Variants in SYNE2 observed in about 807,000 individuals in gnomAD.
The protein encoded by SYNE2 is spectrin repeat containing nuclear envelope protein 2.
In SYNE2, 431 loss-of-function variants were observed where a neutral mutation model predicts 856.3. The ratio of observed to expected loss-of-function variants is 0.50; its 90% confidence interval spans 0.47 to 0.55. The LOEUF is 0.55. Ranked by LOEUF, SYNE2 falls within the 20% of genes least tolerant of loss-of-function variation. The probability of loss-of-function intolerance (pLI) is 0.00; values close to 1 mark genes in which losing one functional copy is unlikely to be tolerated. For missense variants in SYNE2, 8,129 were observed against 8,023.2 expected (o/e 1.01, Z -0.50); for synonymous variants, 2,923 against 2,872.3 (o/e 1.02, Z -0.56).
At position 64,177,373 on chromosome 14, in the gene SYNE2, G is replaced by A. The variant is rs267604019; in HGVS notation, c.17446G>A (p.Glu5816Lys). 6.2e-7 allele frequency: 1 copy of A among 1,614,164 alleles called. No homozygotes were observed. Among genetic ancestry groups the A allele is most frequent in the South Asian group, 1.1e-5 (1 of 91,080 alleles). Residue 5816 changes from glutamate to lysine, a missense_variant, in exon 96 of 116, where the codon GAA becomes AAA. Physicochemically the swap from Glu to Lys is moderately conservative, Grantham distance 56. This residue lies in a region of SYNE2 where 5,410 missense variants were observed against 5,284.8 expected (regional missense o/e 1.02). Transcript: ENST00000555002. ...TTTCAAATAGACCTGGGACCAGTGT[G>A]AAAAGAAAATCAAGGAGTTGAAAAG... ...QSTVETWDQC[E>K]KKIKELKSRL...
intron 1 of SYNE2, among the ~76,000 whole-genome samples, chr14:63,823,639 G>A (rs953930614): frequency 1.1e-4 from 11 of 99,584 alleles, no homozygotes; most frequent in African/African-American, 2.6e-4. Flanking sequence ...TTTTTTTTTT[G>A]TCTGAGACAG....
chr14:63,849,346 A>G (rs1890331504), upstream of SYNE2, among the ~76,000 whole-genome samples: 1 of 151,260 alleles, frequency 6.6e-6, no homozygotes, highest in Admixed American at 6.6e-5. Context: ...CCTCAGATTA[A>G]TGAATATTAT....
rs752492561 is a variant in SYNE2, at chr14:64,052,467, G to C, written c.8554G>C (p.Glu2852Gln). The change falls in exon 48 of 116, where the codon GAA (glutamate) becomes CAA (glutamine). Residue 2852 changes from glutamate to glutamine, a missense_variant. Physicochemically the swap from Glu to Gln is conservative, Grantham distance 29. Around this residue, in one of 3 missense-constraint regions of SYNE2, gnomAD observed 5,410 missense variants for 5,284.8 expected, o/e 1.02. Transcript: ENST00000555002. Reference protein sequence around the residue: ...IIRKFQLMVQESETLIIPRVE... With the variant: ...IIRKFQLMVQQSETLIIPRVE... ...AAGGAAGTTTCAACTTATGGTTCAA[G>C]AAAGTGAAACACTGATAATTCCCAG... The C allele has an allele frequency of 6.2e-7, 1 of 1,613,356 alleles. No individual in the cohort carries two copies. Among genetic ancestry groups the C allele is most frequent in the Non-Finnish European group, 8.5e-7 (1 of 1,179,630 alleles).
intron 1 of SYNE2, among the ~76,000 whole-genome samples, chr14:63,810,100 C>T (rs1321441601): frequency 1.3e-5 from 2 of 151,978 alleles, no homozygotes; most frequent in Non-Finnish European, 2.9e-5. Flanking sequence ...TGGTACATGC[C>T]TTTAGTTCTA....
chr14:63,976,604 A>G lies in SYNE2; in HGVS notation c.1170A>G (p.Pro390=). The change falls in exon 12 of 116, where the codon CCA becomes CCG. Residue 390 remains proline, a synonymous_variant. Transcript: ENST00000555002. Reference sequence around the variant, plus strand: ...TAAAGCTAAATTATGCCTTGCCCCCACCCCTCCATCAAACTGAAGCTTGGC... The same window carrying G: ...TAAAGCTAAATTATGCCTTGCCCCCGCCCCTCCATCAAACTGAAGCTTGGC... ...WKIKLNYALP[P]PLHQTEAWLQ... is the part of the protein sequence containing the mutation. 1 of 1,565,058 alleles carries G rather than the reference A, an allele frequency of 6.4e-7. No homozygotes were observed. Among genetic ancestry groups the G allele is most frequent in the South Asian group, 1.1e-5 (1 of 88,870 alleles).
chr14:64,167,486 C>A lies in SYNE2; in HGVS notation c.16761-9C>A, dbSNP rs1362825136. Reference sequence around the variant, plus strand: ...TAACATGGGTGTGTTTTGTTTTAAACCTTTGTAGTGAGCTTCAGGGAATTG... The same window carrying A: ...TAACATGGGTGTGTTTTGTTTTAAAACTTTGTAGTGAGCTTCAGGGAATTG... On this transcript the variant is annotated splice_polypyrimidine_tract_variant and intron_variant, in intron 91 of 115. Coordinates refer to ENST00000555002, the MANE Select transcript of SYNE2 (RefSeq NM_182914.3). 1.2e-6 allele frequency: 2 copies of A among 1,614,180 alleles called. No individual in the cohort carries two copies. Among genetic ancestry groups the A allele is most frequent in the East Asian group, 4.5e-5 (2 of 44,890 alleles).
At chr14:64,065,328 T>C (rs538129679) in intron 50 of SYNE2, 104 bp from the exon 51 acceptor site, 84 of 1,004,442 alleles carry the variant, frequency 8.4e-5, no homozygotes, top group Non-Finnish European at 1.2e-4. Context: ...GCAATACTTA[T>C]GGAAGATTGA....
At chr14:63,773,818 A>G (rs868388336) in intron 1 of SYNE2, among the ~76,000 whole-genome samples, 23 of 152,192 alleles carry the variant, frequency 1.5e-4, no homozygotes, top group Non-Finnish European at 2.8e-4. Context: ...GCAGATACCA[A>G]TGCATTTGCC....
At chr14:64,224,896 A>C (rs1772368032) in intron 114 of SYNE2, 103 bp from the exon 115 acceptor site, 1 of 1,112,852 alleles carries the variant, frequency 9.0e-7, no homozygotes, top group African/African-American at 1.6e-5. Context: ...CTGTAACACA[A>C]CATAAAGGTG....
chr14:63,863,417 C>T (rs1288900306), intron 1 of SYNE2, among the ~76,000 whole-genome samples: 1 of 152,154 alleles, frequency 6.6e-6, no homozygotes, highest in African/African-American at 2.4e-5. Context: ...GATTGTATCA[C>T]TTATGACTGA....
chr14:64,093,790 CT>C (rs2097651210), intron 61 of SYNE2, among the ~76,000 whole-genome samples: 1 of 152,170 alleles, frequency 6.6e-6, no homozygotes, highest in African/African-American at 2.4e-5. Flanking sequence ...GCCGCATCTC[CT>C]TCTTTAATGG....
chr14:64,011,882 G>A (rs977239675), intron 32 of SYNE2, among the ~76,000 whole-genome samples: 1 of 152,078 alleles, frequency 6.6e-6, no homozygotes, highest in African/African-American at 2.4e-5. Context: ...CTCCCTAATC[G>A]GAATCTAGGC....
chr14:64,177,303 A>T, intron 95 of SYNE2, 55 bp from the exon 96 acceptor site: 1 of 1,604,460 alleles, frequency 6.2e-7, no homozygotes, highest in Non-Finnish European at 8.5e-7. Context: ...TTCTATTTCT[A>T]CAATTCATTC....
intron 1 of SYNE2, among the ~76,000 whole-genome samples, chr14:63,821,646 G>A (rs1889219061): frequency 1.3e-5 from 2 of 151,786 alleles, no homozygotes; most frequent in South Asian, 4.2e-4. Context: ...CCAGCTACTT[G>A]GGAGGCTGAG....
At chr14:63,814,466 T>TATATAATATATATGTC (rs1555340975) in intron 1 of SYNE2, among the ~76,000 whole-genome samples, 2,682 of 132,612 alleles carry the variant, frequency 0.02, 122 homozygotes, top group African/African-American at 0.072. Context: ...TCCTTATATA[T>TATATAATATATATGTC]CATATATAAT....
intron 95 of SYNE2, among the ~76,000 whole-genome samples, chr14:64,176,722 G>C (rs2098436902): frequency 6.6e-6 from 1 of 152,198 alleles, no homozygotes; most frequent in African/African-American, 2.4e-5. Flanking sequence ...CAAAATTAAA[G>C]TAGAAATCAC....
chr14:64,180,724 T>G (rs1052214982), intron 96 of SYNE2, among the ~76,000 whole-genome samples: 2 of 152,046 alleles, frequency 1.3e-5, no homozygotes, highest in Non-Finnish European at 2.9e-5. Flanking sequence ...GGCTGGTCTC[T>G]AACTCCCAAC....
intron 1 of SYNE2, among the ~76,000 whole-genome samples, chr14:63,814,555 A>G (rs1404342182): frequency 7.2e-6 from 1 of 139,412 alleles, no homozygotes; most frequent in Admixed American, 7.7e-5. Context: ...TATCCATTAT[A>G]TATAATATAT....
At position 64,098,779 on chromosome 14, in the gene SYNE2, A is replaced by G. The variant is rs1290897743; in HGVS notation, c.12339A>G (p.Ala4113=). The G allele has an allele frequency of 6.2e-7, 1 of 1,614,196 alleles. No homozygotes were observed. The highest frequency in any genetic ancestry group is 8.5e-7 in the Non-Finnish European group (1 of 1,180,038). Residue 4113 remains alanine (A), a synonymous_variant, in exon 63 of 116, where the codon GCA becomes GCG. Coordinates refer to ENST00000555002, the MANE Select transcript of SYNE2 (RefSeq NM_182914.3). ...GAAGAGGCTCCATGTCTTACCTGGC[A>G]GCAGTCGAGGAAGAGGTGGAAGAAA... ...LNRRGSMSYL[A]AVEEEVEESS...
Sources: allele counts gnomAD v4.1 joint callset (sites outside exome capture counted in the v4.1 genomes callset), GRCh38; gene constraint gnomAD v4.1.1; regional missense constraint gnomAD v4.1.1; transcripts MANE v1.5; gene names NCBI Gene and HGNC (gene_info 2026-07-23, HGNC 2026-07-21).